TEX2: variants seen among roughly 807,000 people sequenced by gnomAD.
TEX2 encodes testis-expressed protein 2.
TEX2 carries 53 observed loss-of-function variants against 106.9 expected under a neutral mutation model. That is an observed-to-expected ratio of 0.50 (90% CI 0.40 to 0.62). The LOEUF (loss-of-function observed/expected upper bound fraction) is 0.62, where lower values mean the gene tolerates loss of function less well. Among genes scored for constraint, TEX2 ranks in the 20% least tolerant of loss-of-function variants. TEX2 has a pLI of 0.00. For missense variants in TEX2, 1,207 were observed against 1,379.0 expected, an observed-to-expected ratio of 0.88 and a Z score of 1.98; for synonymous variants, 523 against 534.8, an observed-to-expected ratio of 0.98 and a Z score of 0.30.
At chr17:64,196,446 A>G (rs145969409) in intron 2 of TEX2, among the ~76,000 whole-genome samples, 1 of 151,808 alleles carries the variant, frequency 6.6e-6, no homozygotes, top group East Asian at 1.9e-4. Flanking sequence ...ATATGGATTT[A>G]TATACCTCAG....
intron 7 of TEX2, among the ~76,000 whole-genome samples, chr17:64,165,507 A>G (rs936286321): frequency 6.6e-6 from 1 of 152,184 alleles, no homozygotes; most frequent in African/African-American, 2.4e-5. Context: ...CACTCCTATC[A>G]GCCCCACGTG....
chr17:64,168,675 G>C (rs2143713095), intron 7 of TEX2, among the ~76,000 whole-genome samples: 1 of 152,318 alleles, frequency 6.6e-6, no homozygotes, highest in African/African-American at 2.4e-5. Context: ...GAGATAAGAG[G>C]CTGCTTACAC....
intron 4 of TEX2, among the ~76,000 whole-genome samples, chr17:64,189,844 A>G (rs1032046174): frequency 6.6e-6 from 1 of 152,032 alleles, no homozygotes; most frequent in African/African-American, 2.4e-5. Flanking sequence ...TTAGCCTGGC[A>G]TGGTGGCCTG....
chr17:64,187,805 G>A lies in TEX2; in HGVS notation c.2424+363C>T, dbSNP rs568991594. Among the ~76,000 whole-genome samples the A allele has an allele frequency of 4.6e-5, 7 of 152,178 alleles. No homozygotes were observed. In the South Asian group the frequency reaches 1.5e-3, roughly 32 times the overall value. On this transcript the variant is annotated intron_variant, in intron 5 of 11. Transcript: ENST00000584379. Reference sequence around the variant, plus strand: ...ATGGCTCACTCCCCCGTGACCAACAGGTCTGTGCCCAAAAGTCACCTCCTC... The same window carrying A: ...ATGGCTCACTCCCCCGTGACCAACAAGTCTGTGCCCAAAAGTCACCTCCTC...
chr17:64,224,507 C>G (rs1259858006), intron 1 of TEX2, among the ~76,000 whole-genome samples: 2 of 152,206 alleles, frequency 1.3e-5, no homozygotes, highest in Non-Finnish European at 2.9e-5. Flanking sequence ...AATGAACTAG[C>G]TCTAGCCTTA....
At chr17:64,176,680 A>T (rs1196708881) in intron 6 of TEX2, among the ~76,000 whole-genome samples, 2 of 152,230 alleles carry the variant, frequency 1.3e-5, no homozygotes, top group Admixed American at 1.3e-4. Context: ...CTGGCCCTGG[A>T]TTAGCACCAG....
At chr17:64,240,383 TG>T (rs1316017623) in intron 1 of TEX2, among the ~76,000 whole-genome samples, 1 of 152,036 alleles carries the variant, frequency 6.6e-6, no homozygotes, top group Non-Finnish European at 1.5e-5. Flanking sequence ...GCTCAGACAC[TG>T]GGCAAGGTGA....
intron 2 of TEX2, among the ~76,000 whole-genome samples, chr17:64,201,408 T>G (rs1402117833): frequency 6.6e-6 from 1 of 152,230 alleles, no homozygotes. Flanking sequence ...TATGGTTTTT[T>G]AAACACTAAT....
At chr17:64,191,817 C>CAAAAAAAAAAAAAAAAA (rs58376086) in intron 4 of TEX2, among the ~76,000 whole-genome samples, 6 of 119,902 alleles carry the variant, frequency 5.0e-5, no homozygotes, top group African/African-American at 1.8e-4. Flanking sequence ...GACTCCATCT[C>CAAAAAAAAAAAAAAAAA]AAAAAAAAAA....
chr17:64,163,940 C>A (rs2031002085), intron 7 of TEX2, among the ~76,000 whole-genome samples: 1 of 152,132 alleles, frequency 6.6e-6, no homozygotes. Context: ...TAACCATGTG[C>A]CCTGGCTGGT....
At chr17:64,170,608 G>T (rs963758625) in intron 7 of TEX2, among the ~76,000 whole-genome samples, 2 of 133,670 alleles carry the variant, frequency 1.5e-5, no homozygotes, top group Admixed American at 7.9e-5. Flanking sequence ...TGGGAGCTTG[G>T]ATCTATTCCA....
chr17:64,227,574 C>T (rs4968708), intron 1 of TEX2, among the ~76,000 whole-genome samples: 122,512 of 152,172 alleles, frequency 0.81, 49,516 homozygotes, highest in Middle Eastern at 0.89. Flanking sequence ...GCCAATCCTC[C>T]GTGCCTTACC....
chr17:64,215,248 C>T (rs1292061149), intron 1 of TEX2, among the ~76,000 whole-genome samples: 1 of 152,302 alleles, frequency 6.6e-6, no homozygotes, highest in East Asian at 1.9e-4. Context: ...AAAATTAAGA[C>T]CACACCTGGA....
intron 9 of TEX2, 43 bp downstream of exon 9, chr17:64,154,799 G>C (rs1443285363): frequency 6.6e-7 from 1 of 1,522,286 alleles, no homozygotes; most frequent in South Asian, 1.3e-5. Context: ...TTGCTGTCCT[G>C]ATCCCTGGAG....
chr17:64,167,201 T>C (rs1338735924), intron 7 of TEX2, among the ~76,000 whole-genome samples: 2 of 152,194 alleles, frequency 1.3e-5, no homozygotes, highest in Non-Finnish European at 2.9e-5. Flanking sequence ...ATGGCCATTG[T>C]GTGCGATTTC....
At position 64,189,732 on chromosome 17, in the gene TEX2, G is replaced by A. The variant is rs187229417; in HGVS notation, c.2177-1317C>T. On this transcript the variant is annotated intron_variant, in intron 4 of 11. Transcript: ENST00000584379. Reference sequence around the variant, plus strand: ...CGCGGTGGCTCACGCCTATAATCTCGGCACTTTGGGAGGCCGAGACAGATG... The same window carrying A: ...CGCGGTGGCTCACGCCTATAATCTCAGCACTTTGGGAGGCCGAGACAGATG... 2.5e-3 allele frequency among the ~76,000 whole-genome samples: 377 copies of A among 152,054 alleles called. 1 individual carries two copies. Among genetic ancestry groups the A allele is most frequent in the African/African-American group, 8.7e-3 (359 of 41,460 alleles).
chr17:64,195,168 T>C lies in TEX2; in HGVS notation c.1645-73A>G, dbSNP rs2032429318. ...TGATTTAGTGTGAAATGATGAACAC[T>C]GTGGTATTTGGGACACTGAAACCAA... On this transcript the variant is annotated intron_variant, in intron 2 of 11. Coordinates refer to ENST00000584379, the MANE Select transcript of TEX2 (RefSeq NM_001288732.2). The surrounding 1 kb of genome is among the most constrained non-coding windows in gnomAD (Gnocchi z 4.1). 2 of 1,437,538 alleles carry C rather than the reference T, an allele frequency of 1.4e-6. No homozygotes were observed. Among genetic ancestry groups the C allele is most frequent in the African/African-American group, 1.4e-5 (1 of 71,004 alleles). 89.0% of individuals were successfully genotyped at this position (1,437,538 alleles called of 1,614,324 possible). A position where few individuals can be genotyped will look rare whatever the true frequency, so the allele number is the denominator to read the frequency against.
At chr17:64,152,872 T>G in intron 10 of TEX2, 73 bp downstream of exon 10, 1 of 1,493,670 alleles carries the variant, frequency 6.7e-7, no homozygotes, top group South Asian at 1.2e-5. Context: ...AACCTCAAGG[T>G]TAAGCAGGCT....
At chr17:64,189,450 C>T (rs1305020058) in intron 4 of TEX2, among the ~76,000 whole-genome samples, 1 of 152,070 alleles carries the variant, frequency 6.6e-6, no homozygotes, top group Non-Finnish European at 1.5e-5. Flanking sequence ...AGTGACAGGG[C>T]ACAGTATGTT....
Sources: allele counts gnomAD v4.1 joint callset (sites outside exome capture counted in the v4.1 genomes callset), GRCh38; gene constraint gnomAD v4.1.1; non-coding constraint Gnocchi (gnomAD v3.1); transcripts MANE v1.5; gene names NCBI Gene and HGNC (gene_info 2026-07-23, HGNC 2026-07-21).